TASP1: variants seen among roughly 807,000 people sequenced by gnomAD.
The protein encoded by TASP1 is taspase 1, also known as threonine aspartase 1.
TASP1 carries 16 observed loss-of-function variants against 56.6 expected under a neutral mutation model. The observed-to-expected ratio is 0.28, with a 90% CI of 0.19 to 0.43. The LOEUF (loss-of-function observed/expected upper bound fraction) is 0.43, where lower values mean the gene tolerates loss of function less well. Among genes scored for constraint, TASP1 ranks in the 20% least tolerant of loss-of-function variants. The pLI is 1.00. For synonymous variants in TASP1, 179 were observed against 184.2 expected, an observed-to-expected ratio of 0.97 and a Z score of 0.23; for missense variants, 393 against 511.6, an observed-to-expected ratio of 0.77 and a Z score of 2.24.
At chr20:13,327,670 G>A in the TASP1 span, among the ~76,000 whole-genome samples, 3 of 152,196 alleles carry the variant, frequency 2.0e-5, no homozygotes, top group East Asian at 3.9e-4. Flanking sequence ...ACAACTATCT[G>A]ACCTTTGACA....
rs2044778337 is a variant in TASP1 at position 13,521,977 on chromosome 20, TA to T, written c.874+6455del. ...AACTCATCAAGGTGACTCATTTGAA[TA>T]AAGGTCTGATGAGGTGAGAGTGGGG... On this transcript the variant is annotated intron_variant, in intron 10 of 13. Transcript: ENST00000337743. Among the ~76,000 whole-genome samples, 4 of 152,226 alleles carry T rather than the reference TA, an allele frequency of 2.6e-5. No homozygotes were observed. The South Asian group carries it at 8.3e-4, about 32-fold the overall frequency.
At chr20:13,120,699 A>G in the TASP1 span, among the ~76,000 whole-genome samples, 1 of 152,246 alleles carries the variant, frequency 6.6e-6, no homozygotes, top group Non-Finnish European at 1.5e-5. Context: ...ATGGTTTAGT[A>G]TGACGATACT....
At chr20:13,543,650 C>T (rs961733156) in intron 8 of TASP1, among the ~76,000 whole-genome samples, 11 of 152,116 alleles carry the variant, frequency 7.2e-5, no homozygotes, top group African/African-American at 2.7e-4. Flanking sequence ...GAGGCCCTTG[C>T]GCCTTTCAAC....
At chr20:13,206,040 C>A in the TASP1 span, among the ~76,000 whole-genome samples, 1 of 152,228 alleles carries the variant, frequency 6.6e-6, no homozygotes, top group Non-Finnish European at 1.5e-5. Flanking sequence ...TCAGAGAACA[C>A]CCTCAGGCAG....
At chr20:13,514,213 T>C (rs1005738174) in intron 10 of TASP1, among the ~76,000 whole-genome samples, 1 of 152,158 alleles carries the variant, frequency 6.6e-6, no homozygotes, top group Non-Finnish European at 1.5e-5. Context: ...AGCCTATTAA[T>C]TATTCTATCA....
At chr20:13,443,719 G>A (rs779162870) in intron 11 of TASP1, among the ~76,000 whole-genome samples, 5 of 152,160 alleles carry the variant, frequency 3.3e-5, no homozygotes, top group Non-Finnish European at 7.4e-5. Context: ...TTTGAGAGGA[G>A]AACCACAATG....
intron 8 of TASP1, among the ~76,000 whole-genome samples, chr20:13,550,660 C>T (rs1163320420): frequency 1.3e-5 from 2 of 152,080 alleles, no homozygotes; most frequent in Admixed American, 1.3e-4. Flanking sequence ...AAACTCCAGA[C>T]CATGCAAAGT....
At chr20:13,550,059 G>C (rs2045927677) in intron 8 of TASP1, among the ~76,000 whole-genome samples, 1 of 151,558 alleles carries the variant, frequency 6.6e-6, no homozygotes, top group African/African-American at 2.4e-5. Context: ...TGGATTTAAG[G>C]ACGACCTGGG....
the TASP1 span, chr20:13,279,818 A>G: frequency 2.4e-5 from 39 of 1,613,926 alleles, no homozygotes; most frequent in Non-Finnish European, 2.8e-5. Context: ...GACGACAGCA[A>G]CTTCCTCAAC....
chr20:13,545,137 G>A (rs373728541), intron 8 of TASP1, among the ~76,000 whole-genome samples: 2 of 151,968 alleles, frequency 1.3e-5, no homozygotes, highest in Admixed American at 1.3e-4. Context: ...AATACATGAC[G>A]ATTAAAGATA....
intron 8 of TASP1, among the ~76,000 whole-genome samples, chr20:13,549,308 G>A (rs1027597337): frequency 6.6e-6 from 1 of 152,124 alleles, no homozygotes; most frequent in Non-Finnish European, 1.5e-5. Flanking sequence ...AAGCTGATTA[G>A]AGAAGACACA....
At chr20:13,544,149 C>A (rs139483393) in intron 8 of TASP1, among the ~76,000 whole-genome samples, 1 of 152,300 alleles carries the variant, frequency 6.6e-6, no homozygotes, top group African/African-American at 2.4e-5. Context: ...GAACATTAAG[C>A]CTCTCACTTT....
intron 8 of TASP1, among the ~76,000 whole-genome samples, chr20:13,552,506 T>C (rs1270813370): frequency 6.6e-6 from 1 of 152,220 alleles, no homozygotes; most frequent in African/African-American, 2.4e-5. Flanking sequence ...ATTAAGGCTC[T>C]AGATATACAG....
At chr20:13,191,128 A>G in the TASP1 span, among the ~76,000 whole-genome samples, 3 of 152,202 alleles carry the variant, frequency 2.0e-5, no homozygotes, top group Non-Finnish European at 4.4e-5. Flanking sequence ...GAACTCTTAT[A>G]TACTGTTAGC....
intron 11 of TASP1, among the ~76,000 whole-genome samples, chr20:13,474,653 T>C (rs554207462): frequency 6.6e-6 from 1 of 152,314 alleles, no homozygotes; most frequent in East Asian, 1.9e-4. Flanking sequence ...AGCTACTCAG[T>C]AGTGGGACTG....
the TASP1 span, among the ~76,000 whole-genome samples, chr20:13,209,119 T>G: frequency 6.6e-6 from 1 of 152,216 alleles, no homozygotes; most frequent in African/African-American, 2.4e-5. Context: ...CCCATGAAGT[T>G]GTTGTTCTTT....
At chr20:13,448,976 G>A (rs954004869) in intron 11 of TASP1, among the ~76,000 whole-genome samples, 19 of 152,034 alleles carry the variant, frequency 1.2e-4, no homozygotes, top group Non-Finnish European at 1.5e-5. Flanking sequence ...TATATTTTTA[G>A]GTCAATTAAT....
At chr20:13,483,089 G>A (rs1193883812) in intron 11 of TASP1, 138 bp downstream of exon 11, 4 of 535,990 alleles carry the variant, frequency 7.5e-6, no homozygotes, top group African/African-American at 5.8e-5. Context: ...TTCACAATCA[G>A]TATTAACTGT....
At chr20:13,582,558 T>C (rs968116096) in intron 5 of TASP1, among the ~76,000 whole-genome samples, 1 of 152,146 alleles carries the variant, frequency 6.6e-6, no homozygotes, top group Admixed American at 6.5e-5. Context: ...CAAGATATCA[T>C]TTTTTTATTT....
Sources: allele counts gnomAD v4.1 joint callset (sites outside exome capture counted in the v4.1 genomes callset), GRCh38; gene constraint gnomAD v4.1.1; transcripts MANE v1.5; gene names NCBI Gene and HGNC (gene_info 2026-07-23, HGNC 2026-07-21).